PDSS2: variants seen among roughly 807,000 people sequenced by gnomAD.
The protein encoded by PDSS2 is decaprenyl diphosphate synthase subunit 2, also known as all trans-polyprenyl-diphosphate synthase PDSS2.
Under a neutral mutation model 44.5 loss-of-function variants are expected in PDSS2, and 31 were observed. The ratio of observed to expected loss-of-function variants is 0.70; its 90% confidence interval spans 0.52 to 0.94. The LOEUF (loss-of-function observed/expected upper bound fraction) is 0.94, where lower values mean the gene tolerates loss of function less well. Among genes scored for constraint, PDSS2 ranks in the 40% least tolerant of loss-of-function variants. The probability of loss-of-function intolerance (pLI) is 0.00; values close to 1 mark genes in which losing one functional copy is unlikely to be tolerated. For synonymous variants in PDSS2, 157 were observed against 180.3 expected, an observed-to-expected ratio of 0.87 and a Z score of 1.03; for missense variants, 452 against 482.2, an observed-to-expected ratio of 0.94 and a Z score of 0.59.
chr6:107,318,506 A>T lies in PDSS2; in HGVS notation c.431+15692T>A, dbSNP rs185212831. Among the ~76,000 whole-genome samples the T allele has an allele frequency of 2.0e-3, 298 of 149,378 alleles. 4 individuals carry two copies. Among genetic ancestry groups the T allele is most frequent in the Non-Finnish European group, 3.8e-3 (256 of 67,030 alleles). On this transcript the variant is annotated intron_variant, in intron 2 of 7. Transcript: ENST00000369037. ...ATAAGTCTGTTGTAATGGTTAGCTTAAAAAAAAAAGATCTGAAGTAGAAAA... is the reference window on the plus strand; with the variant it reads ...ATAAGTCTGTTGTAATGGTTAGCTTTAAAAAAAAAGATCTGAAGTAGAAAA...
At chr6:107,221,782 C>T in intron 4 of PDSS2, among the ~76,000 whole-genome samples, 1 of 152,096 alleles carries the variant, frequency 6.6e-6, no homozygotes, top group East Asian at 1.9e-4. Context: ...ACAAACTGCA[C>T]TTGTAACAGT....
chr6:107,416,490 G>A (rs2114678128), intron 1 of PDSS2, among the ~76,000 whole-genome samples: 1 of 152,276 alleles, frequency 6.6e-6, no homozygotes, highest in South Asian at 2.1e-4. Context: ...TAATTAAAGT[G>A]TATTCTGCCT....
At chr6:107,341,722 G>A (rs556619219) in intron 1 of PDSS2, among the ~76,000 whole-genome samples, 2 of 152,268 alleles carry the variant, frequency 1.3e-5, no homozygotes, top group African/African-American at 2.4e-5. Context: ...ACAGTACAAT[G>A]CACAGAAACC....
At chr6:107,318,239 C>A (rs1163515104) in intron 2 of PDSS2, among the ~76,000 whole-genome samples, 1 of 148,106 alleles carries the variant, frequency 6.8e-6, no homozygotes, top group Non-Finnish European at 1.5e-5. Flanking sequence ...TCCACTTCTC[C>A]TTGACCGCCC....
chr6:107,379,000 C>T (rs1779377095), intron 1 of PDSS2, among the ~76,000 whole-genome samples: 1 of 152,122 alleles, frequency 6.6e-6, no homozygotes, highest in Non-Finnish European at 1.5e-5. Context: ...AAAGTTACTC[C>T]CCAACCATCC....
intron 2 of PDSS2, among the ~76,000 whole-genome samples, chr6:107,276,636 C>A (rs1044999050): frequency 9.2e-5 from 14 of 152,148 alleles, no homozygotes; most frequent in African/African-American, 3.4e-4. Flanking sequence ...CAAACTGTGG[C>A]AGAGTGTTAC....
intron 1 of PDSS2, among the ~76,000 whole-genome samples, chr6:107,348,509 T>C (rs115646383): frequency 6.6e-6 from 1 of 152,222 alleles, no homozygotes; most frequent in Non-Finnish European, 1.5e-5. Flanking sequence ...TGTTTATTAT[T>C]GGTACAGGCT....
chr6:107,287,347 A>G (rs1373263436), intron 2 of PDSS2, among the ~76,000 whole-genome samples: 1 of 152,116 alleles, frequency 6.6e-6, no homozygotes, highest in Admixed American at 6.6e-5. Context: ...GAAGGTAGCC[A>G]CTCACAGGGA....
At chr6:107,434,233 T>C (rs1781279839) in intron 1 of PDSS2, among the ~76,000 whole-genome samples, 1 of 152,342 alleles carries the variant, frequency 6.6e-6, no homozygotes. Context: ...TAACTTGTGA[T>C]CCAGCAATCC....
intron 7 of PDSS2, among the ~76,000 whole-genome samples, chr6:107,178,524 C>T (rs1771869942): frequency 6.6e-6 from 1 of 152,278 alleles, no homozygotes; most frequent in East Asian, 1.9e-4. Flanking sequence ...AGCTTAAAGT[C>T]ACAATAATTA....
chr6:107,347,309 C>T (rs1338673939), intron 1 of PDSS2, among the ~76,000 whole-genome samples: 1 of 129,008 alleles, frequency 7.8e-6, no homozygotes, highest in Non-Finnish European at 1.5e-5. Context: ...GTTGCCTAGG[C>T]TGGAGTGCAG....
intron 7 of PDSS2, among the ~76,000 whole-genome samples, chr6:107,166,990 A>T (rs1484397687): frequency 2.0e-4 from 30 of 152,206 alleles, no homozygotes; most frequent in African/African-American, 7.2e-4. Flanking sequence ...TGCTGGCCTC[A>T]TAAAATGAGT....
At chr6:107,386,621 A>C (rs938640365) in intron 1 of PDSS2, among the ~76,000 whole-genome samples, 2 of 152,222 alleles carry the variant, frequency 1.3e-5, no homozygotes, top group Non-Finnish European at 2.9e-5. Flanking sequence ...TTCATAAAAG[A>C]ACAAAGTAGG....
intron 3 of PDSS2, among the ~76,000 whole-genome samples, chr6:107,252,122 G>T (rs1253370841): frequency 6.6e-6 from 1 of 152,126 alleles, no homozygotes; most frequent in East Asian, 1.9e-4. Context: ...AATGAGGGGT[G>T]AATCTACTCA....
chr6:107,168,133 AG>A (rs1466859230), intron 7 of PDSS2, among the ~76,000 whole-genome samples: 1 of 152,126 alleles, frequency 6.6e-6, no homozygotes, highest in Non-Finnish European at 1.5e-5. Flanking sequence ...TAGGTCTCTA[AG>A]GACTTGCTTT....
chr6:107,261,702 C>T (rs1187328766), intron 3 of PDSS2, among the ~76,000 whole-genome samples: 13 of 150,980 alleles, frequency 8.6e-5, no homozygotes, highest in Non-Finnish European at 1.8e-4. Flanking sequence ...CTCCGCCTCC[C>T]GAGTAGCTGG....
chr6:107,376,175 T>C (rs935857360), intron 1 of PDSS2, among the ~76,000 whole-genome samples: 2 of 152,180 alleles, frequency 1.3e-5, no homozygotes, highest in Admixed American at 6.5e-5. Flanking sequence ...CCTTGTAGTA[T>C]AGTTTGAAGT....
chr6:107,398,936 C>T (rs1780026671), intron 1 of PDSS2, among the ~76,000 whole-genome samples: 1 of 152,100 alleles, frequency 6.6e-6, no homozygotes, highest in African/African-American at 2.4e-5. Flanking sequence ...TCCCCTATAG[C>T]TTTAAAAATA....
intron 1 of PDSS2, among the ~76,000 whole-genome samples, chr6:107,389,698 A>G (rs1312052351): frequency 6.6e-6 from 1 of 152,218 alleles, no homozygotes. Context: ...TACATGAATA[A>G]GTATACATAC....
Sources: gnomAD v4.1 joint callset for allele counts (sites outside exome capture counted in the v4.1 genomes callset) on GRCh38, gnomAD v4.1.1 for gene constraint, MANE v1.5 for transcripts, NCBI Gene and HGNC (gene_info 2026-07-23, HGNC 2026-07-21) for gene names.